The following SMARCA4 variants were observed in gnomAD, a reference collection of about 807,000 sequenced individuals.
The protein encoded by SMARCA4 is SWI/SNF-related matrix-associated actin-dependent regulator of chromatin subfamily A member 4.
In SMARCA4, 31 loss-of-function variants were observed where a neutral mutation model predicts 193.9. The observed-to-expected ratio is 0.16, with a 90% CI of 0.12 to 0.22. The LOEUF (loss-of-function observed/expected upper bound fraction) is 0.22. Among genes scored for constraint, SMARCA4 ranks in the 10% least tolerant of loss-of-function variants. The pLI is 1.00. For missense variants in SMARCA4, 1,148 were observed against 2,296.0 expected (o/e 0.50, Z 10.22); for synonymous variants, 942 against 933.1 (o/e 1.01, Z -0.17).
chr19:11,006,018 G>A (rs777310375), intron 13 of SMARCA4, among the ~76,000 whole-genome samples: 49 of 152,080 alleles, frequency 3.2e-4, no homozygotes, highest in African/African-American at 7.0e-4. Context: ...CTAAAATGTC[G>A]GTGTTATTAC....
intron 29 of SMARCA4, among the ~76,000 whole-genome samples, chr19:11,037,681 T>A (rs1181409423): frequency 6.6e-6 from 1 of 152,238 alleles, no homozygotes; most frequent in Non-Finnish European, 1.5e-5. Flanking sequence ...CTTGGTGTTG[T>A]ATCTGAGAAA....
chr19:11,019,548 C>T lies in SMARCA4; in HGVS notation c.2506-43C>T. 7.1e-7 allele frequency: 1 copy of T among 1,402,786 alleles called. No homozygotes were observed. Among genetic ancestry groups the T allele is most frequent in the Non-Finnish European group, 1.0e-6 (1 of 1,003,676 alleles). The allele number at this position is 1,402,786 out of a possible 1,614,324, so 86.9% of individuals were successfully genotyped here. ...CTGTGCCCCTCTTGCCACCTGGCCA[C>T]CCGGCTCCAAAAGCCGAGCTGTGCA... On this transcript the variant is annotated intron_variant, in intron 17 of 34. Transcript: ENST00000344626. This position sits in a 1 kb window ranked among gnomAD's most constrained non-coding sequence, Gnocchi z 6.1.
intron 16 of SMARCA4, among the ~76,000 whole-genome samples, chr19:11,015,325 C>T (rs141422076): frequency 5.9e-5 from 9 of 152,338 alleles, no homozygotes; most frequent in East Asian, 1.9e-4. Context: ...CACACTGTCA[C>T]GTCTGTGTGG....
intron 24 of SMARCA4, among the ~76,000 whole-genome samples, chr19:11,029,759 C>T (rs1325853336): frequency 3.9e-5 from 6 of 152,162 alleles, no homozygotes; most frequent in Non-Finnish European, 8.8e-5. Context: ...CTGCAACCTC[C>T]GCCGCCTGGA....
chr19:11,061,695 G>T (rs992822689), intron 34 of SMARCA4, 89 bp from the exon 35 acceptor site: 2 of 1,296,872 alleles, frequency 1.5e-6, no homozygotes, highest in East Asian at 2.3e-5. Context: ...GTTTTCTTGA[G>T]CAAGTTTATT....
At chr19:11,003,221 A>G in intron 12 of SMARCA4, 62 bp downstream of exon 12, 1 of 1,612,040 alleles carries the variant, frequency 6.2e-7, no homozygotes, top group Non-Finnish European at 8.5e-7. Flanking sequence ...GCCTTGTTCC[A>G]GGGAGGTGGC....
chr19:10,976,814 G>A (rs1416357986), intron 1 of SMARCA4, among the ~76,000 whole-genome samples: 1 of 149,690 alleles, frequency 6.7e-6, no homozygotes, highest in Non-Finnish European at 1.5e-5. Flanking sequence ...TAGCACTTTG[G>A]GAGGCCGAGG....
intron 29 of SMARCA4, among the ~76,000 whole-genome samples, chr19:11,036,033 A>G (rs1046671017): frequency 1.3e-5 from 2 of 152,214 alleles, no homozygotes; most frequent in Non-Finnish European, 2.9e-5. Flanking sequence ...CATGTGGCCA[A>G]ACAGCCCCGG....
At position 10,987,184 on chromosome 19, in the gene SMARCA4, CG is replaced by C. The variant is rs1464254841; in HGVS notation, c.859+182del. 6.6e-6 allele frequency among the ~76,000 whole-genome samples: 1 copy of C among 152,208 alleles called. No homozygotes were observed. Among genetic ancestry groups the C allele is most frequent in the East Asian group, 1.9e-4 (1 of 5,194 alleles). On this transcript the variant is annotated intron_variant, in intron 5 of 34. Coordinates refer to ENST00000344626, the MANE Select transcript of SMARCA4 (RefSeq NM_003072.5). This position sits in a 1 kb window ranked among gnomAD's most constrained non-coding sequence, Gnocchi z 5.3. ...TAGCCAGTCAGTTCCCAAAGGCTGT[CG>C]TTCATCCCTCCTCTGACAGCTTGTG... is the stretch of plus-strand genomic sequence containing the variant.
intron 1 of SMARCA4, among the ~76,000 whole-genome samples, chr19:10,971,886 G>A (rs981124671): frequency 2.0e-5 from 3 of 150,880 alleles, no homozygotes; most frequent in South Asian, 2.1e-4. Context: ...GGGTTCAAGC[G>A]ATTTCAATTT....
rs1025976599 is a variant in SMARCA4, at chr19:10,984,647, A to G, written c.222+274A>G. ...CTTTCTGCATGTGAAATTTGGGAATATCACTACAAAGTTTTCTTTTGGTAA... is the reference window on the plus strand; with the variant it reads ...CTTTCTGCATGTGAAATTTGGGAATGTCACTACAAAGTTTTCTTTTGGTAA... On this transcript the variant is annotated intron_variant, in intron 2 of 34. Coordinates refer to ENST00000344626, the MANE Select transcript of SMARCA4 (RefSeq NM_003072.5). The surrounding 1 kb of genome is among the most constrained non-coding windows in gnomAD (Gnocchi z 4.3). 3.9e-5 allele frequency among the ~76,000 whole-genome samples: 6 copies of G among 152,240 alleles called. No individual in the cohort carries two copies. The highest frequency in any genetic ancestry group is 2.0e-4 in the Admixed American group (3 of 15,284).
intron 30 of SMARCA4, among the ~76,000 whole-genome samples, chr19:11,044,149 T>G (rs1460982838): frequency 3.3e-5 from 5 of 151,940 alleles, no homozygotes; most frequent in African/African-American, 1.2e-4. Context: ...ATCACACTGG[T>G]CTCCTGGGTA....
rs1045888643 is a variant in SMARCA4 at position 11,041,049 on chromosome 19, G to A, written c.4171-258G>A. The A allele has an allele frequency of 3.9e-6, 2 of 514,396 alleles. No individual in the cohort carries two copies. The highest frequency in any genetic ancestry group is 5.9e-5 in the South Asian group (2 of 34,044). The allele number at this position is 514,396 out of a possible 1,614,324, so 31.9% of individuals were successfully genotyped here. On this transcript the variant is annotated intron_variant, in intron 29 of 34. Transcript: ENST00000344626. This position sits in a 1 kb window ranked among gnomAD's most constrained non-coding sequence, Gnocchi z 5.6. ...CAGAGAAGATAGTTCTTTTTTTTTGGTCAAGAAATTCAACCATTAGTTTTT... is the reference window on the plus strand; with the variant it reads ...CAGAGAAGATAGTTCTTTTTTTTTGATCAAGAAATTCAACCATTAGTTTTT...
Position 10,985,148 on chromosome 19 carries a change from G to GGAGAT in SMARCA4, c.223-123_223-119dup. 1.1e-6 allele frequency: 1 copy of GGAGAT among 941,310 alleles called. No homozygotes were observed. The allele number at this position is 941,310 out of a possible 1,614,324, so 58.3% of individuals were successfully genotyped here. On this transcript the variant is annotated intron_variant, in intron 2 of 34. Coordinates refer to ENST00000344626, the MANE Select transcript of SMARCA4 (RefSeq NM_003072.5). The surrounding 1 kb of genome is among the most constrained non-coding windows in gnomAD (Gnocchi z 4.5). Reference sequence around the variant, plus strand: ...GCCTTGGAGTCATGCTGGGGACTGGGGAGATGCGCGTCATCTTCGGGTGGC... The same window carrying GGAGAT: ...GCCTTGGAGTCATGCTGGGGACTGGGGAGATGAGATGCGCGTCATCTTCGGGTGGC...
At chr19:11,032,445 C>A (rs1160530810) in intron 25 of SMARCA4, 1 of 152,316 alleles carries the variant, frequency 6.6e-6, no homozygotes, top group Non-Finnish European at 1.5e-5. Flanking sequence ...GTGGGTGGAT[C>A]AACTGAGGTC....
chr19:11,019,761 C>A lies in SMARCA4; in HGVS notation c.2616+60C>A, dbSNP rs748243798. 4 of 1,151,982 alleles carry A rather than the reference C, an allele frequency of 3.5e-6. No homozygotes were observed. The highest frequency in any genetic ancestry group is 2.6e-6 in the Non-Finnish European group (2 of 771,614). The allele number at this position is 1,151,982 out of a possible 1,614,324, so 71.4% of individuals were successfully genotyped here. A position where few individuals can be genotyped will look rare whatever the true frequency, so the allele number is the denominator to read the frequency against. On this transcript the variant is annotated intron_variant, in intron 18 of 34. Coordinates refer to ENST00000344626, the MANE Select transcript of SMARCA4 (RefSeq NM_003072.5). This position sits in a 1 kb window ranked among gnomAD's most constrained non-coding sequence, Gnocchi z 6.1. Reference sequence around the variant, plus strand: ...GCCGAGTGCTCACACGTGGGTCACGCTGCCCGTCTCCTCCAAAGCCCCTAC... The same window carrying A: ...GCCGAGTGCTCACACGTGGGTCACGATGCCCGTCTCCTCCAAAGCCCCTAC...
In SMARCA4 at chr19:11,019,149, C is replaced by T. The variant is rs995971567; in HGVS notation, c.2505+126C>T. 5.1e-6 allele frequency: 4 copies of T among 785,410 alleles called. No individual in the cohort carries two copies. The highest frequency in any genetic ancestry group is 9.0e-6 in the Non-Finnish European group (4 of 445,328). 48.7% of individuals were successfully genotyped at this position (785,410 alleles called of 1,614,324 possible). On this transcript the variant is annotated intron_variant, in intron 17 of 34. Coordinates refer to ENST00000344626, the MANE Select transcript of SMARCA4 (RefSeq NM_003072.5). The surrounding 1 kb of genome is among the most constrained non-coding windows in gnomAD (Gnocchi z 6.1). ...TGGGTCTCCAGTCGCATGGAGTCTC[C>T]AGGACAGCCTGGAACTCCAGTCACA...
rs2086347503 is a variant in SMARCA4, at chr19:10,989,325, C to G, written c.1127C>G (p.Ala376Gly). The change falls in exon 7 of 35, where the codon GCT becomes GGT. Residue 376 changes from alanine (A) to glycine (G), a missense_variant. By Grantham distance (60) the Ala-to-Gly change is moderately conservative. Around this residue, in one of 17 missense-constraint regions of SMARCA4, gnomAD observed 69 missense variants for 186.9 expected, o/e 0.37. Transcript: ENST00000344626. ...ILQEREYRLQARIAHRIQELE... is the reference protein window; with the variant it reads ...ILQEREYRLQGRIAHRIQELE... ...CTTGTCTCTGCTCCCAGGCTGCAGG[C>G]TCGCATCGCACACCGAATTCAGGAA... 1 of 1,614,142 alleles carries G rather than the reference C, an allele frequency of 6.2e-7. No homozygotes were observed. The highest frequency in any genetic ancestry group is 8.5e-7 in the Non-Finnish European group (1 of 1,180,002).
chr19:10,973,268 A>G (rs2084824854), intron 1 of SMARCA4, among the ~76,000 whole-genome samples: 1 of 152,140 alleles, frequency 6.6e-6, no homozygotes, highest in Admixed American at 6.6e-5. Context: ...ACATCCATCT[A>G]ATTGATAGCT....
Sources: gnomAD v4.1 joint callset for allele counts (sites outside exome capture counted in the v4.1 genomes callset) on GRCh38, gnomAD v4.1.1 for gene constraint, gnomAD v4.1.1 regional missense constraint, Gnocchi (gnomAD v3.1) non-coding constraint, MANE v1.5 for transcripts, NCBI Gene and HGNC (gene_info 2026-07-23, HGNC 2026-07-21) for gene names.